OR6P1: variants seen among roughly 807,000 people sequenced by gnomAD.
The protein encoded by OR6P1 is olfactory receptor family 6 subfamily P member 1.
OR6P1 carries 5 observed loss-of-function variants against 6.6 expected under a neutral mutation model. That is an observed-to-expected ratio of 0.76 (90% CI 0.40 to 1.60). The LOEUF (loss-of-function observed/expected upper bound fraction) is 1.60, where lower values mean the gene tolerates loss of function less well. Ranked by LOEUF, OR6P1 falls within the 40% of genes most tolerant of loss-of-function variation. OR6P1 has a pLI of 0.02. For synonymous variants in OR6P1, 177 were observed against 149.6 expected, an observed-to-expected ratio of 1.18 and a Z score of -1.33; for missense variants, 451 against 383.0, an observed-to-expected ratio of 1.18 and a Z score of -1.48.
rs1237256710 is a variant in OR6P1 at position 158,561,436 on chromosome 1, A to T, written c.*1215T>A. On this transcript the variant is annotated 3_prime_UTR_variant, in exon 3 of 3. Coordinates refer to ENST00000641540, the MANE Select transcript of OR6P1 (RefSeq NM_001160325.2). The stretch of plus-strand genomic sequence containing the variant: ...TAAAGTAGCTTGCATTGATGGACAC[A>T]TGTCTTTTTCTCCCTCAAAATCTGT... 1 of 152,168 alleles carries T rather than the reference A, an allele frequency of 6.6e-6. No individual in the cohort carries two copies. The highest frequency in any genetic ancestry group is 1.5e-5 in the Non-Finnish European group (1 of 68,006). 9.4% of individuals were successfully genotyped at this position (152,168 alleles called of 1,614,324 possible). A position where few individuals can be genotyped will look rare whatever the true frequency, so the allele number is the denominator to read the frequency against.
chr1:158,565,536 A>T (rs1267761099), intron 2 of OR6P1, among the ~76,000 whole-genome samples: 4 of 152,132 alleles, frequency 2.6e-5, no homozygotes, highest in Admixed American at 2.6e-4. Context: ...TGAGTGCTTT[A>T]TAAAAGATTT....
chr1:158,567,749 T>C (rs1386263744), intron 1 of OR6P1, among the ~76,000 whole-genome samples: 7 of 150,954 alleles, frequency 4.6e-5, no homozygotes, highest in African/African-American at 1.2e-4. Context: ...CATATGTAAC[T>C]AACCTGCACA....
intron 1 of OR6P1, among the ~76,000 whole-genome samples, chr1:158,568,781 C>T (rs745513227): frequency 6.6e-6 from 1 of 152,038 alleles, no homozygotes; most frequent in Non-Finnish European, 1.5e-5. Context: ...ACAACAAAGC[C>T]TCTGTGAGGA....
chr1:158,564,019 A>G (rs1648036217), intron 2 of OR6P1, among the ~76,000 whole-genome samples: 1 of 152,208 alleles, frequency 6.6e-6, no homozygotes, highest in South Asian at 2.1e-4. Flanking sequence ...AGCAAGCTAG[A>G]GCCTACAAGC....
At position 158,563,047 on chromosome 1, in the gene OR6P1, G is replaced by A. The variant is rs1436003635; in HGVS notation, c.558C>T (p.Asn186=). 1.9e-6 allele frequency: 3 copies of A among 1,551,796 alleles called. No homozygotes were observed. The Admixed American group carries it at 5.9e-5, about 30-fold the overall frequency. ...CTTGCTCCTTGTCAGAGCAGGTGAGGTTGAGTAGTGGGGAAATATCACAGA... is the reference window on the plus strand; with the variant it reads ...CTTGCTCCTTGTCAGAGCAGGTGAGATTGAGTAGTGGGGAAATATCACAGA... ...HFFCDISPLL[N]LTCSDKEQAE... The change falls in exon 3 of 3, where the codon AAC becomes AAT. Residue 186 remains asparagine (N), a synonymous_variant. Transcript: ENST00000641540.
intron 1 of OR6P1, among the ~76,000 whole-genome samples, chr1:158,570,224 T>C (rs1486022723): frequency 6.6e-6 from 1 of 152,220 alleles, no homozygotes; most frequent in Admixed American, 6.5e-5. Context: ...CCCTCACCCT[T>C]GTGAACATTT....
rs1648019102 is a variant in OR6P1 at position 158,563,527 on chromosome 1, G to T, written c.78C>A (p.Leu26=). ...AAATTGCAAAAAAAAGGACAAAGAG[G>T]AGCAGCTGGAGGGGAGGCGTGGTAG... ...GFPTTPPLQL[L]LFVLFFAIYL... Residue 26 remains leucine (L), a synonymous_variant, in exon 3 of 3, where the codon CTC becomes CTA. Transcript: ENST00000641540. 6.4e-7 allele frequency: 1 copy of T among 1,551,098 alleles called. No individual in the cohort carries two copies. The highest frequency in any genetic ancestry group is 1.4e-5 in the African/African-American group (1 of 72,954).
intron 2 of OR6P1, among the ~76,000 whole-genome samples, chr1:158,566,114 G>T (rs1571339128): frequency 7.4e-6 from 1 of 134,746 alleles, no homozygotes; most frequent in African/African-American, 2.5e-5. Flanking sequence ...GCAAGATTTT[G>T]CTATGCTTTT....
chr1:158,562,887 T>A lies in OR6P1; in HGVS notation c.718A>T (p.Thr240Ser). ...ACCACTGCCAGATGAGCGGCACAAG[T>A]GGAAAAGGCTTTGTGGCGTCCCCTG... is the stretch of plus-strand genomic sequence containing the variant. Reference protein sequence around the residue: ...TSRGRHKAFSTCAAHLAVVVI... With the variant: ...TSRGRHKAFSSCAAHLAVVVI... The change falls in exon 3 of 3, where the codon ACT (threonine) becomes TCT (serine). Residue 240 changes from threonine (T) to serine (S), a missense_variant. Coordinates refer to ENST00000641540, the MANE Select transcript of OR6P1 (RefSeq NM_001160325.2). 6.4e-7 allele frequency: 1 copy of A among 1,551,694 alleles called. No homozygotes were observed. Among genetic ancestry groups the A allele is most frequent in the South Asian group, 1.2e-5 (1 of 84,032 alleles).
intron 1 of OR6P1, 82 bp from the exon 2 acceptor site, chr1:158,566,940 T>C (rs931159257): frequency 6.6e-6 from 1 of 151,868 alleles, no homozygotes; most frequent in African/African-American, 2.4e-5. Context: ...CTCAAACAAA[T>C]TTACAAGAAA....
At chr1:158,569,686 A>T (rs1648191784) in intron 1 of OR6P1, among the ~76,000 whole-genome samples, 1 of 152,226 alleles carries the variant, frequency 6.6e-6, no homozygotes, top group Non-Finnish European at 1.5e-5. Flanking sequence ...CTTAATTCTC[A>T]CAACAGCCCA....
Position 158,563,435 on chromosome 1 carries a change from C to A in OR6P1, c.170G>T (p.Arg57Leu), listed in dbSNP as rs554137403. Reference protein sequence around the residue: ...FTIWLAPSLHRPMYFFLGHLS... With the variant: ...FTIWLAPSLHLPMYFFLGHLS... Reference sequence around the variant, plus strand: ...ATGGCCAAGGAAAAAGTACATGGGACGATGAAGGCTTGGAGCAAGCCATAT... The same window carrying A: ...ATGGCCAAGGAAAAAGTACATGGGAAGATGAAGGCTTGGAGCAAGCCATAT... The change falls in exon 3 of 3, where the codon CGT becomes CTT. Residue 57 changes from arginine to leucine, a missense_variant. Transcript: ENST00000641540. The A allele has an allele frequency of 2.1e-5, 32 of 1,550,714 alleles. No individual in the cohort carries two copies. The highest frequency in any genetic ancestry group is 4.8e-5 in the South Asian group (4 of 83,954).
chr1:158,568,207 A>T (rs963921286), intron 1 of OR6P1, among the ~76,000 whole-genome samples: 3 of 152,028 alleles, frequency 2.0e-5, no homozygotes, highest in African/African-American at 7.2e-5. Flanking sequence ...TCCTCGATAG[A>T]CTACTTCTGA....
At position 158,563,344 on chromosome 1, in the gene OR6P1, G is replaced by T; in HGVS notation, c.261C>A (p.Thr87=). 6.4e-7 allele frequency: 1 copy of T among 1,551,494 alleles called. No individual in the cohort carries two copies. The highest frequency in any genetic ancestry group is 8.7e-7 in the Non-Finnish European group (1 of 1,146,918). The change falls in exon 3 of 3, where the codon ACC becomes ACA. Residue 87 remains threonine, a synonymous_variant. Transcript: ENST00000641540. ...CTACGTAGGAGACTCTACCATCCTG[G>T]GTAAGAAAGGCTGCCAAGAGCCGAG... ...TIPRLLAAFL[T]QDGRVSYVGC... is the part of the protein sequence containing the mutation.
rs1647945075 is a variant in OR6P1, at chr1:158,561,351, G to A, written c.*1300C>T. The A allele has an allele frequency of 6.6e-6, 1 of 152,172 alleles. No homozygotes were observed. The highest frequency in any genetic ancestry group is 2.1e-4 in the South Asian group (1 of 4,830). The allele number at this position is 152,172 out of a possible 1,614,324, so 9.4% of individuals were successfully genotyped here. The stretch of plus-strand genomic sequence containing the variant: ...AACAAAACAACTTAAACTGTTTTAA[G>A]TATCAGATCTTTTATTGTTATTTTG... On this transcript the variant is annotated 3_prime_UTR_variant, in exon 3 of 3. Transcript: ENST00000641540.
Position 158,562,885 on chromosome 1 carries a change from A to G in OR6P1, c.720T>C (p.Thr240=), listed in dbSNP as rs1271884166. 1.9e-6 allele frequency: 3 copies of G among 1,552,010 alleles called. No homozygotes were observed. Among genetic ancestry groups the G allele is most frequent in the South Asian group, 1.2e-5 (1 of 84,060 alleles). Residue 240 remains threonine (T), a synonymous_variant, in exon 3 of 3, where the codon ACT becomes ACC. Coordinates refer to ENST00000641540, the MANE Select transcript of OR6P1 (RefSeq NM_001160325.2). ...TSRGRHKAFS[T]CAAHLAVVVI... ...CAACCACTGCCAGATGAGCGGCACA[A>G]GTGGAAAAGGCTTTGTGGCGTCCCC...
intron 1 of OR6P1, among the ~76,000 whole-genome samples, 176 bp from the exon 2 acceptor site, chr1:158,567,034 CAT>C (rs1351165639): frequency 1.3e-5 from 2 of 152,036 alleles, no homozygotes; most frequent in African/African-American, 4.8e-5. Context: ...CCAAAAGACA[CAT>C]GAGAAAATGC....
chr1:158,569,709 A>C (rs1009685900), intron 1 of OR6P1, among the ~76,000 whole-genome samples: 4 of 152,204 alleles, frequency 2.6e-5, no homozygotes, highest in African/African-American at 9.6e-5. Flanking sequence ...GAGTTTAAGC[A>C]CCATTATTTC....
Position 158,563,081 on chromosome 1 carries a change from T to C in OR6P1, c.524A>G (p.Asn175Ser), listed in dbSNP as rs1001645143. The C allele has an allele frequency of 7.1e-6, 11 of 1,551,496 alleles. No homozygotes were observed. The highest frequency in any genetic ancestry group is 9.6e-6 in the Non-Finnish European group (11 of 1,147,002). The change falls in exon 3 of 3, where the codon AAC becomes AGC. Residue 175 changes from asparagine (N) to serine (S), a missense_variant. Asn to Ser is a conservative substitution (Grantham distance 46). Transcript: ENST00000641540. Reference protein sequence around the residue: ...QLSYCGPNIINHFFCDISPLL... With the variant: ...QLSYCGPNIISHFFCDISPLL... ...TGGGGAAATATCACAGAAAAAGTGG[T>C]TGATAATGTTGGGTCCACAGTAGGA...
Sources: gnomAD v4.1 joint callset for allele counts (sites outside exome capture counted in the v4.1 genomes callset) on GRCh38, gnomAD v4.1.1 for gene constraint, MANE v1.5 for transcripts, NCBI Gene and HGNC (gene_info 2026-07-23, HGNC 2026-07-21) for gene names.